OPRM1: variants seen among roughly 807,000 people sequenced by gnomAD.
The protein encoded by OPRM1 is mu-type opioid receptor.
In OPRM1, 27 loss-of-function variants were observed where a neutral mutation model predicts 31.8. That is an observed-to-expected ratio of 0.85 (90% CI 0.63 to 1.17). OPRM1 has a LOEUF of 1.17. OPRM1 is among the 50% of genes most tolerant of loss of function. The pLI is 0.00. For synonymous variants in OPRM1, 196 were observed against 189.9 expected (o/e 1.03, Z -0.26); for missense variants, 536 against 511.1 (o/e 1.05, Z -0.47).
At chr6:154,202,425 C>T (rs372112195) in intron 3 of OPRM1, among the ~76,000 whole-genome samples, 12 of 152,122 alleles carry the variant, frequency 7.9e-5, no homozygotes, top group Admixed American at 5.9e-4. Context: ...ATAGTTTACT[C>T]GTTAGCAGGA....
Position 154,068,566 on chromosome 6 carries a change from A to G in OPRM1, c.291-21260A>G, listed in dbSNP as rs949038284. The stretch of plus-strand genomic sequence containing the variant: ...CTTTTTTATGGCTAAGTCGTATCCC[A>G]TTGTGTATATATACCACATTTTCTT... On this transcript the variant is annotated intron_variant, in intron 1 of 3. Coordinates refer to ENST00000330432, the MANE Select transcript of OPRM1 (RefSeq NM_000914.5). Among the ~76,000 whole-genome samples, 3 of 152,298 alleles carry G rather than the reference A, an allele frequency of 2.0e-5. No individual in the cohort carries two copies. The East Asian group carries it at 5.8e-4, about 29-fold the overall frequency.
chr6:154,216,626 T>G lies in OPRM1; in HGVS notation c.1165-30067T>G, dbSNP rs1328033054. 2.0e-5 allele frequency among the ~76,000 whole-genome samples: 3 copies of G among 152,174 alleles called. No individual in the cohort carries two copies. In the East Asian group the frequency reaches 5.8e-4, roughly 29 times the overall value. ...GGCTCACACCTGTAATCCCAGCACT[T>G]TGGGAGGCCAAGGCAGGTGGATCAT... is the stretch of plus-strand genomic sequence containing the variant. On this transcript the variant is annotated intron_variant, in intron 3 of 3. Transcript: ENST00000337049.
chr6:154,160,754 A>G (rs1486897660), intron 3 of OPRM1, among the ~76,000 whole-genome samples: 1 of 152,202 alleles, frequency 6.6e-6, no homozygotes, highest in African/African-American at 2.4e-5. Context: ...TTAAAAACAA[A>G]TATTCAGCCC....
intron 3 of OPRM1, among the ~76,000 whole-genome samples, chr6:154,181,949 T>A (rs1800916366): frequency 6.6e-6 from 1 of 152,152 alleles, no homozygotes; most frequent in Admixed American, 6.5e-5. Flanking sequence ...GAACGTCAAG[T>A]TGGGAGAACA....
intron 3 of OPRM1, among the ~76,000 whole-genome samples, chr6:154,171,135 A>G (rs1467323919): frequency 6.6e-6 from 1 of 152,240 alleles, no homozygotes; most frequent in Non-Finnish European, 1.5e-5. Context: ...AGAGAATTGA[A>G]AACATATATT....
At chr6:154,102,612 C>T (rs1795002762) in intron 3 of OPRM1, among the ~76,000 whole-genome samples, 1 of 152,104 alleles carries the variant, frequency 6.6e-6, no homozygotes. Context: ...CAGCAGCATC[C>T]TTTGTCTCAA....
chr6:154,144,411 A>T (rs1798305770), intron 3 of OPRM1, among the ~76,000 whole-genome samples: 1 of 152,388 alleles, frequency 6.6e-6, no homozygotes, highest in East Asian at 1.9e-4. Flanking sequence ...AAACTTTTTA[A>T]CAAAATATTA....
At chr6:154,077,150 C>G (rs1240887954) in intron 1 of OPRM1, among the ~76,000 whole-genome samples, 3 of 152,116 alleles carry the variant, frequency 2.0e-5, no homozygotes, top group East Asian at 1.9e-4. Flanking sequence ...AACCCCACCC[C>G]CTTTCAGTTT....
intron 1 of OPRM1, among the ~76,000 whole-genome samples, chr6:154,074,689 G>A (rs1351656950): frequency 1.3e-5 from 2 of 152,048 alleles, no homozygotes; most frequent in Non-Finnish European, 2.9e-5. Context: ...GAACCTGGGA[G>A]GTGGGAGGTT....
At chr6:154,233,665 G>C (rs552105455) in intron 3 of OPRM1, among the ~76,000 whole-genome samples, 1 of 152,254 alleles carries the variant, frequency 6.6e-6, no homozygotes, top group South Asian at 2.1e-4. Context: ...GGATACTGAG[G>C]CTCCAACAGG....
At position 154,124,310 on chromosome 6, in the gene OPRM1, T is replaced by C. The variant is rs147538641; in HGVS notation, c.*5589T>C. ...CCTTAGGCAGATATTCAGAGAAAGA[T>C]CAGTTTTCTATGGGTTTTTTCCATC... On this transcript the variant is annotated 3_prime_UTR_variant, in exon 4 of 4. Coordinates refer to ENST00000330432, the MANE Select transcript of OPRM1 (RefSeq NM_000914.5). Among the ~76,000 whole-genome samples, 351 of 152,314 alleles carry C rather than the reference T, an allele frequency of 2.3e-3. 1 individual carries two copies. Among genetic ancestry groups the C allele is most frequent in the African/African-American group, 7.8e-3 (324 of 41,566 alleles).
At chr6:154,155,236 A>G (rs1798665818) in intron 3 of OPRM1, 1 of 152,170 alleles carries the variant, frequency 6.6e-6, no homozygotes, top group Non-Finnish European at 1.5e-5. Context: ...TCCATTTCAT[A>G]CAGGCTGCAA....
At chr6:154,057,227 A>T (rs1299713940) in intron 1 of OPRM1, among the ~76,000 whole-genome samples, 1 of 152,216 alleles carries the variant, frequency 6.6e-6, no homozygotes, top group African/African-American at 2.4e-5. Context: ...TTAAAGAATA[A>T]ACATGAACTA....
intron 3 of OPRM1, among the ~76,000 whole-genome samples, chr6:154,097,121 T>C (rs1450239015): frequency 6.6e-6 from 1 of 152,174 alleles, no homozygotes; most frequent in Non-Finnish European, 1.5e-5. Flanking sequence ...TTCTGACATA[T>C]CTACCCGTGG....
intron 1 of OPRM1, among the ~76,000 whole-genome samples, chr6:154,081,875 A>C (rs910686716): frequency 2.6e-5 from 4 of 152,168 alleles, no homozygotes; most frequent in African/African-American, 9.7e-5. Context: ...CGGGTCCTTC[A>C]CCATCAAGCA....
In OPRM1 at chr6:154,122,032, GC is replaced by G. The variant is rs751284700; in HGVS notation, c.*3313del. Among the ~76,000 whole-genome samples the G allele has an allele frequency of 6.6e-6, 1 of 152,090 alleles. No homozygotes were observed. The highest frequency in any genetic ancestry group is 1.5e-5 in the Non-Finnish European group (1 of 68,018). ...GGCACTAGAAATTTCTCCAGCTTAC[GC>G]CATGAATACTGCAGAAGCTGATACT... On this transcript the variant is annotated 3_prime_UTR_variant, in exon 4 of 4. Coordinates refer to ENST00000330432, the MANE Select transcript of OPRM1 (RefSeq NM_000914.5).
chr6:154,211,143 G>A (rs112572979), intron 3 of OPRM1, among the ~76,000 whole-genome samples: 6 of 152,250 alleles, frequency 3.9e-5, no homozygotes, highest in East Asian at 3.9e-4. Context: ...CTGGCTGGGT[G>A]CGGTGGCTCA....
intron 3 of OPRM1, among the ~76,000 whole-genome samples, chr6:154,200,317 C>CTT (rs1453114579): frequency 6.6e-6 from 1 of 152,310 alleles, no homozygotes; most frequent in African/African-American, 2.4e-5. Flanking sequence ...TCTCCAGAAA[C>CTT]TTAAAAGGCC....
chr6:154,106,892 G>A (rs1325848046), intron 3 of OPRM1, among the ~76,000 whole-genome samples: 1 of 152,126 alleles, frequency 6.6e-6, no homozygotes, highest in Non-Finnish European at 1.5e-5. Context: ...TAGACCAAAT[G>A]TCTACATTTT....
Sources: gnomAD v4.1 joint callset for allele counts (sites outside exome capture counted in the v4.1 genomes callset) on GRCh38, gnomAD v4.1.1 for gene constraint, MANE v1.5 for transcripts, NCBI Gene and HGNC (gene_info 2026-07-23, HGNC 2026-07-21) for gene names.